The following PDE4D variants were observed in gnomAD, a reference collection of about 807,000 sequenced individuals.
PDE4D encodes the protein 3',5'-cyclic-AMP phosphodiesterase 4D.
A neutral mutation model predicts 87.4 loss-of-function variants in PDE4D; 24 were observed. That is an observed-to-expected ratio of 0.27 (90% CI 0.20 to 0.39). The LOEUF (loss-of-function observed/expected upper bound fraction) is 0.39. Among genes scored for constraint, PDE4D ranks in the 10% least tolerant of loss-of-function variants. The pLI, the probability that PDE4D is intolerant of heterozygous loss-of-function variation, is 1.00. For missense variants in PDE4D, 714 were observed against 1,041.0 expected, an observed-to-expected ratio of 0.69 and a Z score of 4.32; for synonymous variants, 384 against 383.2, an observed-to-expected ratio of 1.00 and a Z score of -0.02.
intron 2 of PDE4D, among the ~76,000 whole-genome samples, chr5:60,096,488 A>G (rs1000445428): frequency 6.6e-6 from 1 of 152,124 alleles, no homozygotes; most frequent in Non-Finnish European, 1.5e-5. Context: ...CAAAAAGAGA[A>G]AGCAAAACTT....
intron 2 of PDE4D, among the ~76,000 whole-genome samples, chr5:60,151,421 C>A (rs2149442262): frequency 6.6e-6 from 1 of 152,238 alleles, no homozygotes; most frequent in South Asian, 2.1e-4. Context: ...TTATTTGCAT[C>A]TTCTTTAATT....
At chr5:59,728,801 G>C (rs576224433) in intron 1 of PDE4D, among the ~76,000 whole-genome samples, 307 of 152,158 alleles carry the variant, frequency 2.0e-3, no homozygotes, top group African/African-American at 7.0e-3. Context: ...AATTTTGGTA[G>C]AGCAAGATTT....
At chr5:60,342,256 C>T (rs1561140730) in intron 1 of PDE4D, among the ~76,000 whole-genome samples, 2 of 152,114 alleles carry the variant, frequency 1.3e-5, no homozygotes, top group Non-Finnish European at 2.9e-5. Context: ...AAAATCATCT[C>T]CTGCTTTGAC....
chr5:60,507,434 A>G (rs925331871), intron 1 of PDE4D, among the ~76,000 whole-genome samples: 1 of 152,230 alleles, frequency 6.6e-6, no homozygotes. Flanking sequence ...TCATATTATG[A>G]ACAAAAATGC....
chr5:59,505,189 C>T (rs1023890083), intron 1 of PDE4D, among the ~76,000 whole-genome samples: 3 of 152,248 alleles, frequency 2.0e-5, no homozygotes, highest in Admixed American at 2.0e-4. Context: ...CCTAAGGGAA[C>T]TGCAGCTTTA....
At chr5:59,564,977 T>C (rs1820631794) in intron 1 of PDE4D, among the ~76,000 whole-genome samples, 1 of 152,144 alleles carries the variant, frequency 6.6e-6, no homozygotes, top group Non-Finnish European at 1.5e-5. Context: ...GGACACATTC[T>C]AGTCAGAAGG....
intron 1 of PDE4D, among the ~76,000 whole-genome samples, chr5:59,801,028 C>G (rs1375924672): frequency 1.3e-5 from 2 of 151,696 alleles, no homozygotes; most frequent in African/African-American, 2.4e-5. Context: ...TGTTGATTTC[C>G]TGAGACAAAT....
At chr5:60,011,776 T>C (rs551726599) in intron 2 of PDE4D, among the ~76,000 whole-genome samples, 1 of 152,186 alleles carries the variant, frequency 6.6e-6, no homozygotes, top group East Asian at 1.9e-4. Context: ...CAGAGCAAAA[T>C]ATGGAGACCC....
intron 1 of PDE4D, among the ~76,000 whole-genome samples, chr5:59,708,916 T>G (rs1425585587): frequency 1.3e-5 from 2 of 151,972 alleles, no homozygotes; most frequent in African/African-American, 4.8e-5. Flanking sequence ...TTTTTTTTTT[T>G]TTTTAATCGA....
At chr5:59,612,072 G>C (rs1829072104) in intron 1 of PDE4D, among the ~76,000 whole-genome samples, 1 of 152,160 alleles carries the variant, frequency 6.6e-6, no homozygotes, top group East Asian at 1.9e-4. Context: ...CTATAAGCTT[G>C]AGTTTTTCTT....
At chr5:59,619,853 T>A (rs1312829182) in intron 1 of PDE4D, among the ~76,000 whole-genome samples, 1 of 152,148 alleles carries the variant, frequency 6.6e-6, no homozygotes, top group African/African-American at 2.4e-5. Flanking sequence ...TGAGAGTAGA[T>A]GCAAAATTAT....
intron 1 of PDE4D, among the ~76,000 whole-genome samples, chr5:59,291,802 T>C (rs1768088868): frequency 6.6e-6 from 1 of 150,700 alleles, no homozygotes; most frequent in Non-Finnish European, 1.5e-5. Flanking sequence ...GACTTAACTA[T>C]TTAACCTGAC....
intron 2 of PDE4D, among the ~76,000 whole-genome samples, chr5:60,169,344 C>T (rs906555112): frequency 2.5e-4 from 38 of 152,120 alleles, no homozygotes; most frequent in African/African-American, 8.2e-4. Context: ...AAAAGATGTA[C>T]CTCCACTGTT....
intron 1 of PDE4D, among the ~76,000 whole-genome samples, chr5:59,599,841 G>A (rs1158505628): frequency 6.6e-6 from 1 of 152,124 alleles, no homozygotes; most frequent in Admixed American, 6.6e-5. Flanking sequence ...CTCTGGGATT[G>A]GAAGGCACAG....
chr5:59,090,807 CT>C (rs61610340), intron 5 of PDE4D, among the ~76,000 whole-genome samples: 42,682 of 106,386 alleles, frequency 0.4, 6,360 homozygotes, highest in East Asian at 0.62. Context: ...TTTTCTTTTT[CT>C]TTTTTTTTTT....
At chr5:59,666,211 T>C (rs1350238252) in intron 1 of PDE4D, among the ~76,000 whole-genome samples, 2 of 152,148 alleles carry the variant, frequency 1.3e-5, no homozygotes, top group African/African-American at 4.8e-5. Flanking sequence ...TCCACCGGCC[T>C]CGGCCTTCCA....
intron 2 of PDE4D, among the ~76,000 whole-genome samples, chr5:60,125,324 A>G (rs895126413): frequency 5.9e-5 from 9 of 152,106 alleles, no homozygotes; most frequent in Admixed American, 2.6e-4. Context: ...ACTGATCTCA[A>G]TCAAGCAGCA....
chr5:59,950,714 G>T (rs1758202695), intron 3 of PDE4D, among the ~76,000 whole-genome samples: 2 of 152,040 alleles, frequency 1.3e-5, no homozygotes, highest in African/African-American at 4.8e-5. Context: ...TCTCTAAAAA[G>T]ACTTTTGTAG....
intron 2 of PDE4D, among the ~76,000 whole-genome samples, chr5:59,996,588 A>G (rs149168702): frequency 1.6e-4 from 24 of 152,278 alleles, no homozygotes; most frequent in African/African-American, 5.8e-4. Flanking sequence ...ATGAGCCTTA[A>G]ATTTCTCTAA....
Sources: allele counts gnomAD v4.1 joint callset (sites outside exome capture counted in the v4.1 genomes callset), GRCh38; gene constraint gnomAD v4.1.1; transcripts MANE v1.5; gene names NCBI Gene and HGNC (gene_info 2026-07-23, HGNC 2026-07-21).